ADGRL2: variants seen among roughly 807,000 people sequenced by gnomAD.
ADGRL2 encodes the protein calcium-independent alpha-latrotoxin receptor 2.
In ADGRL2, 44 loss-of-function variants were observed where a neutral mutation model predicts 157.4. The observed-to-expected ratio is 0.28, with a 90% CI of 0.22 to 0.36. The LOEUF is 0.36. Among genes scored for constraint, ADGRL2 ranks in the 10% least tolerant of loss-of-function variants. The probability of loss-of-function intolerance (pLI) is 1.00; values close to 1 mark genes in which losing one functional copy is unlikely to be tolerated. For missense variants in ADGRL2, 1,510 were observed against 1,768.9 expected (o/e 0.85, Z 2.63); for synonymous variants, 585 against 624.7 (o/e 0.94, Z 0.95).
intron 2 of ADGRL2, among the ~76,000 whole-genome samples, chr1:81,890,058 A>G (rs1006925379): frequency 3.3e-5 from 5 of 152,184 alleles, no homozygotes; most frequent in African/African-American, 1.2e-4. Context: ...TTATGCACAT[A>G]ATTTATACGA....
intron 3 of ADGRL2, among the ~76,000 whole-genome samples, chr1:81,655,393 A>C (rs1412936036): frequency 6.6e-6 from 1 of 152,152 alleles, no homozygotes; most frequent in Admixed American, 6.5e-5. Flanking sequence ...CCCTGTTCAC[A>C]CAACTAATGA....
intron 16 of ADGRL2, among the ~76,000 whole-genome samples, chr1:81,970,752 C>A (rs995008754): frequency 3.3e-5 from 5 of 152,120 alleles, no homozygotes; most frequent in African/African-American, 1.2e-4. Flanking sequence ...TATGGACTTT[C>A]TTTTTAACAC....
chr1:81,814,810 A>C (rs1557694610), intron 1 of ADGRL2, among the ~76,000 whole-genome samples: 1 of 138,222 alleles, frequency 7.2e-6, no homozygotes, highest in Non-Finnish European at 1.6e-5. Context: ...GTGTTCAGGT[A>C]ATGTTGTTAA....
chr1:81,740,510 G>C (rs1349926962), intron 1 of ADGRL2, among the ~76,000 whole-genome samples: 6 of 152,148 alleles, frequency 3.9e-5, no homozygotes, highest in Non-Finnish European at 8.8e-5. Flanking sequence ...TTTTGTGAAA[G>C]CTTCAATGCT....
At chr1:81,800,817 G>C (rs74315964), upstream of ADGRL2, among the ~76,000 whole-genome samples, 26,613 of 150,178 alleles carry the variant, frequency 0.18, 3,447 homozygotes, top group East Asian at 0.65. Context: ...TGTGTTAATG[G>C]GGGGAGCTGG....
At chr1:81,691,027 G>A (rs547232231) in intron 3 of ADGRL2, among the ~76,000 whole-genome samples, 18 of 152,266 alleles carry the variant, frequency 1.2e-4, no homozygotes, top group African/African-American at 3.4e-4. Flanking sequence ...TATGAGATTC[G>A]TATGAGATTT....
chr1:81,647,355 C>T (rs1197094474), intron 3 of ADGRL2, among the ~76,000 whole-genome samples: 5 of 151,994 alleles, frequency 3.3e-5, no homozygotes, highest in Non-Finnish European at 7.4e-5. Flanking sequence ...ATTGAGCATC[C>T]CTAATCTGAA....
At chr1:81,423,362 G>A (rs561242125) in intron 1 of ADGRL2, among the ~76,000 whole-genome samples, 3 of 152,272 alleles carry the variant, frequency 2.0e-5, no homozygotes, top group African/African-American at 7.2e-5. Flanking sequence ...AGGCAGGCAT[G>A]CCCAGGACAC....
chr1:81,522,831 T>G (rs1325265251), intron 2 of ADGRL2, among the ~76,000 whole-genome samples: 1 of 152,214 alleles, frequency 6.6e-6, no homozygotes, highest in Non-Finnish European at 1.5e-5. Flanking sequence ...GTCCAATAAA[T>G]TGAGTATACA....
At chr1:81,984,410 A>C (rs1662553324) in intron 19 of ADGRL2, 173 bp from the exon 20 acceptor site, 1 of 563,618 alleles carries the variant, frequency 1.8e-6, no homozygotes, top group Non-Finnish European at 3.0e-6. Context: ...TTTTCTGATT[A>C]CTATTTCAGT....
At chr1:81,964,104 A>G (rs1656339413) in intron 11 of ADGRL2, among the ~76,000 whole-genome samples, 1 of 151,998 alleles carries the variant, frequency 6.6e-6, no homozygotes, top group East Asian at 1.9e-4. Context: ...AGCTGTAGTC[A>G]TGATCTTACT....
chr1:81,665,541 G>T (rs1398650052), intron 3 of ADGRL2, among the ~76,000 whole-genome samples: 3 of 152,094 alleles, frequency 2.0e-5, no homozygotes, highest in Non-Finnish European at 4.4e-5. Context: ...AGTCAGAGTT[G>T]ACATTGGGTC....
At chr1:81,615,295 G>A (rs1315774444) in intron 3 of ADGRL2, among the ~76,000 whole-genome samples, 1 of 152,190 alleles carries the variant, frequency 6.6e-6, no homozygotes, top group Admixed American at 6.5e-5. Flanking sequence ...TGTGGGTGGG[G>A]CCAAATCAGG....
chr1:81,950,903 T>G (rs1181227265), intron 7 of ADGRL2, 115 bp from the exon 8 acceptor site: 1 of 689,308 alleles, frequency 1.5e-6, no homozygotes, highest in African/African-American at 1.8e-5. Context: ...TGTCAAATAC[T>G]TGCATTAGAG....
chr1:81,469,862 T>TG (rs2078134191), intron 2 of ADGRL2, among the ~76,000 whole-genome samples: 2 of 152,216 alleles, frequency 1.3e-5, no homozygotes, highest in Non-Finnish European at 2.9e-5. Flanking sequence ...AAACACATCC[T>TG]ATGCAATTCA....
chr1:81,329,872 C>T (rs1376020666), intron 1 of ADGRL2, among the ~76,000 whole-genome samples: 2 of 152,128 alleles, frequency 1.3e-5, no homozygotes, highest in African/African-American at 4.8e-5. Flanking sequence ...GTTACCAGTA[C>T]ATTAATATAT....
chr1:81,915,507 A>G (rs1423366467), intron 3 of ADGRL2, among the ~76,000 whole-genome samples: 1 of 152,142 alleles, frequency 6.6e-6, no homozygotes, highest in Admixed American at 6.6e-5. Flanking sequence ...TACCTTTTGT[A>G]TTATGTCCAT....
At chr1:81,954,403 A>AT (rs1652813754) in intron 10 of ADGRL2, among the ~76,000 whole-genome samples, 1 of 152,184 alleles carries the variant, frequency 6.6e-6, no homozygotes, top group Non-Finnish European at 1.5e-5. Context: ...GACCAGTGTC[A>AT]TTTTCAGTAT....
intron 3 of ADGRL2, among the ~76,000 whole-genome samples, chr1:81,686,873 A>T (rs762885061): frequency 6.6e-6 from 1 of 152,126 alleles, no homozygotes; most frequent in Non-Finnish European, 1.5e-5. Context: ...TTAAATTTCC[A>T]TCTTGATCGT....
Sources: allele counts gnomAD v4.1 joint callset (sites outside exome capture counted in the v4.1 genomes callset), GRCh38; gene constraint gnomAD v4.1.1; transcripts MANE v1.5; gene names NCBI Gene and HGNC (gene_info 2026-07-23, HGNC 2026-07-21).